PRKCA: variants seen among roughly 807,000 people sequenced by gnomAD.
PRKCA encodes protein kinase C alpha type.
PRKCA carries 27 observed loss-of-function variants against 87.0 expected under a neutral mutation model. The ratio of observed to expected loss-of-function variants is 0.31; its 90% CI spans 0.23 to 0.43. The LOEUF is 0.43. PRKCA is among the 20% of genes least tolerant of loss of function. The probability of loss-of-function intolerance (pLI) is 1.00; values close to 1 mark genes in which losing one functional copy is unlikely to be tolerated. For synonymous variants in PRKCA, 329 were observed against 311.1 expected (o/e 1.06, Z -0.61); for missense variants, 518 against 852.3 (o/e 0.61, Z 4.88).
chr17:66,654,728 G>A (rs1329134852), intron 5 of PRKCA, among the ~76,000 whole-genome samples: 1 of 152,188 alleles, frequency 6.6e-6, no homozygotes, highest in Admixed American at 6.5e-5. Flanking sequence ...TGGCACCACT[G>A]GGGGTGAGGG....
At chr17:66,632,299 T>A (rs1411481158) in intron 3 of PRKCA, among the ~76,000 whole-genome samples, 1 of 152,254 alleles carries the variant, frequency 6.6e-6, no homozygotes, top group African/African-American at 2.4e-5. Context: ...CCCCACACTT[T>A]CCCAGAGTCA....
intron 3 of PRKCA, among the ~76,000 whole-genome samples, chr17:66,505,579 C>T (rs1002500508): frequency 7.9e-5 from 12 of 152,006 alleles, no homozygotes; most frequent in African/African-American, 2.9e-4. Context: ...TTACCCTTGC[C>T]GAGTTGTCAG....
chr17:66,714,573 G>A (rs1283112764), intron 8 of PRKCA, among the ~76,000 whole-genome samples: 1 of 152,112 alleles, frequency 6.6e-6, no homozygotes, highest in African/African-American at 2.4e-5. Flanking sequence ...TTCTGACGCT[G>A]CCACCTGGCA....
At chr17:66,379,410 G>A (rs1909661526) in intron 2 of PRKCA, among the ~76,000 whole-genome samples, 1 of 152,134 alleles carries the variant, frequency 6.6e-6, no homozygotes. Flanking sequence ...TTGGAGAAAT[G>A]TTTCTTCATA....
intron 2 of PRKCA, among the ~76,000 whole-genome samples, chr17:66,325,544 A>T (rs1351638140): frequency 6.6e-6 from 1 of 152,224 alleles, no homozygotes; most frequent in Non-Finnish European, 1.5e-5. Flanking sequence ...AGGGTGAAAT[A>T]GTGGGATCCT....
intron 3 of PRKCA, among the ~76,000 whole-genome samples, chr17:66,608,817 G>A (rs1970277020): frequency 1.3e-5 from 2 of 152,070 alleles, no homozygotes; most frequent in Admixed American, 1.3e-4. Flanking sequence ...GCTGGTAATG[G>A]GTACTTAGGG....
At chr17:66,652,154 C>A (rs1971606258) in intron 5 of PRKCA, among the ~76,000 whole-genome samples, 1 of 151,980 alleles carries the variant, frequency 6.6e-6, no homozygotes, top group African/African-American at 2.4e-5. Context: ...AGACAAGGTT[C>A]CACCATGTTA....
chr17:66,658,822 G>A (rs1971808536), intron 5 of PRKCA, among the ~76,000 whole-genome samples: 3 of 152,260 alleles, frequency 2.0e-5, no homozygotes, highest in Non-Finnish European at 4.4e-5. Context: ...CTTTCATGGT[G>A]TAGCTATAAC....
intron 5 of PRKCA, among the ~76,000 whole-genome samples, chr17:66,654,739 T>C (rs1386757401): frequency 6.6e-6 from 1 of 152,158 alleles, no homozygotes; most frequent in Non-Finnish European, 1.5e-5. Context: ...GGGGTGAGGG[T>C]CTGTCCTCAC....
chr17:66,732,434 A>G (rs1025323115), intron 8 of PRKCA, among the ~76,000 whole-genome samples: 1 of 152,224 alleles, frequency 6.6e-6, no homozygotes, highest in Non-Finnish European at 1.5e-5. Flanking sequence ...ATCCCCACGC[A>G]TCAATTCTAG....
chr17:66,636,935 T>C (rs1971164402), intron 3 of PRKCA, among the ~76,000 whole-genome samples: 1 of 152,216 alleles, frequency 6.6e-6, no homozygotes, highest in South Asian at 2.1e-4. Flanking sequence ...CTGTGCACAA[T>C]TGCTGATCAA....
At chr17:66,674,694 A>G (rs577081196) in intron 5 of PRKCA, among the ~76,000 whole-genome samples, 6 of 152,176 alleles carry the variant, frequency 3.9e-5, no homozygotes, top group Non-Finnish European at 7.4e-5. Flanking sequence ...AAGATACAGT[A>G]ACCAAGTGCC....
intron 2 of PRKCA, among the ~76,000 whole-genome samples, chr17:66,370,549 C>CTTTTTTTTT (rs555797425): frequency 3.5e-4 from 40 of 113,668 alleles, no homozygotes; most frequent in Non-Finnish European, 5.1e-4. Context: ...CTTTTCTTTT[C>CTTTTTTTTT]TTTTTTTTTT....
chr17:66,384,016 G>A (rs557862354), intron 2 of PRKCA, among the ~76,000 whole-genome samples: 3 of 152,172 alleles, frequency 2.0e-5, no homozygotes, highest in African/African-American at 7.2e-5. Context: ...AGGTATGCTA[G>A]GACTCCATTG....
intron 3 of PRKCA, among the ~76,000 whole-genome samples, chr17:66,538,195 A>G (rs139243363): frequency 0.013 from 2,010 of 152,282 alleles, 35 homozygotes; most frequent in Admixed American, 0.058. Flanking sequence ...CACAGGGTAA[A>G]GAATGTGGCT....
At chr17:66,434,205 C>T (rs1913246132) in intron 2 of PRKCA, among the ~76,000 whole-genome samples, 1 of 151,768 alleles carries the variant, frequency 6.6e-6, no homozygotes, top group African/African-American at 2.4e-5. Flanking sequence ...AGCAGCTTAA[C>T]TGGGAGAGAA....
intron 3 of PRKCA, among the ~76,000 whole-genome samples, chr17:66,585,707 G>C (rs1377865485): frequency 6.6e-6 from 1 of 152,232 alleles, no homozygotes; most frequent in Non-Finnish European, 1.5e-5. Context: ...AGCAGCTTAA[G>C]TTTGAAATCC....
At chr17:66,612,304 C>A (rs1970390865) in intron 3 of PRKCA, among the ~76,000 whole-genome samples, 1 of 149,944 alleles carries the variant, frequency 6.7e-6, no homozygotes, top group Non-Finnish European at 1.5e-5. Flanking sequence ...TTGCTTGAAC[C>A]CAGGAGATGG....
intron 5 of PRKCA, among the ~76,000 whole-genome samples, chr17:66,664,471 G>A (rs1401563773): frequency 6.6e-6 from 1 of 152,114 alleles, no homozygotes; most frequent in Non-Finnish European, 1.5e-5. Flanking sequence ...GAACCCAAAG[G>A]TAATGAGAAT....
Sources: gnomAD v4.1 joint callset for allele counts (sites outside exome capture counted in the v4.1 genomes callset) on GRCh38, gnomAD v4.1.1 for gene constraint, MANE v1.5 for transcripts, NCBI Gene and HGNC (gene_info 2026-07-23, HGNC 2026-07-21) for gene names.